RMI1: variants seen among roughly 807,000 people sequenced by gnomAD.
The protein encoded by RMI1 is RecQ mediated genome instability 1.
In RMI1, 36 loss-of-function variants were observed where a neutral mutation model predicts 46.7. That is an observed-to-expected ratio of 0.77 (90% CI 0.59 to 1.02). RMI1 has a LOEUF of 1.02. Ranked by LOEUF, RMI1 falls within the 50% of genes least tolerant of loss-of-function variation. RMI1 has a pLI of 0.00. For synonymous variants in RMI1, 250 were observed against 252.9 expected, an observed-to-expected ratio of 0.99 and a Z score of 0.11; for missense variants, 676 against 713.7, an observed-to-expected ratio of 0.95 and a Z score of 0.60.
At chr9:83,983,866 C>CT (rs1177359549) in intron 1 of RMI1, among the ~76,000 whole-genome samples, 1 of 151,986 alleles carries the variant, frequency 6.6e-6, no homozygotes, top group Non-Finnish European at 1.5e-5. Context: ...TATATGTGTT[C>CT]TTTTTCCCAA....
intron 2 of RMI1, 70 bp from the exon 3 acceptor site, chr9:84,000,881 T>C (rs1331884396): frequency 1.3e-6 from 1 of 782,338 alleles, no homozygotes; most frequent in Non-Finnish European, 2.0e-6. Flanking sequence ...TGTCTGTGCA[T>C]TGTAGAGAAT....
At chr9:83,989,351 A>G (rs1432503818) in intron 1 of RMI1, among the ~76,000 whole-genome samples, 2 of 152,246 alleles carry the variant, frequency 1.3e-5, no homozygotes, top group Non-Finnish European at 2.9e-5. Flanking sequence ...ATATTAAGCT[A>G]AAAAGCTTCT....
At chr9:83,989,059 A>G (rs1307865168) in intron 1 of RMI1, among the ~76,000 whole-genome samples, 1 of 152,052 alleles carries the variant, frequency 6.6e-6, no homozygotes, top group African/African-American at 2.4e-5. Context: ...AGATCTCAGT[A>G]TGTTGTCCAG....
chr9:83,982,390 A>T (rs1957426440), intron 1 of RMI1, among the ~76,000 whole-genome samples: 1 of 152,126 alleles, frequency 6.6e-6, no homozygotes, highest in African/African-American at 2.4e-5. Context: ...CCGGCCGGGC[A>T]CGGTGGCTCA....
rs911485495 is a variant in RMI1, at chr9:83,987,555, G to T, written c.-126+6664G>T. ...TTTTTGGAGTATAGTTCTGAGTTTT[G>T]ATAAACAGATAACAGTCATGTAACC... On this transcript the variant is annotated intron_variant, in intron 1 of 2. Coordinates refer to ENST00000445877, the MANE Select transcript of RMI1 (RefSeq NM_001358291.2). Among the ~76,000 whole-genome samples, 8 of 152,078 alleles carry T rather than the reference G, an allele frequency of 5.3e-5. No individual in the cohort carries two copies. In the South Asian group the frequency reaches 1.7e-3, roughly 32 times the overall value.
intron 1 of RMI1, chr9:83,992,790 C>CT (rs1394977338): frequency 6.6e-6 from 1 of 152,102 alleles, no homozygotes. Flanking sequence ...GGTGATAGAG[C>CT]TTTTTTGTAG....
At chr9:83,995,445 G>C (rs1296244706) in intron 1 of RMI1, among the ~76,000 whole-genome samples, 2 of 94,142 alleles carry the variant, frequency 2.1e-5, no homozygotes, top group Non-Finnish European at 4.4e-5. Flanking sequence ...TTTTTTAATT[G>C]AGACAAGAGT....
intron 1 of RMI1, among the ~76,000 whole-genome samples, chr9:83,998,587 G>C (rs909931810): frequency 6.6e-6 from 1 of 152,180 alleles, no homozygotes; most frequent in African/African-American, 2.4e-5. Context: ...GCTAGCATTA[G>C]AATCAATAAT....
In RMI1 at chr9:84,002,680, A is replaced by C; in HGVS notation, c.1694A>C (p.Lys565Thr). The C allele has an allele frequency of 6.2e-7, 1 of 1,613,932 alleles. No homozygotes were observed. Among genetic ancestry groups the C allele is most frequent in the South Asian group, 1.1e-5 (1 of 91,078 alleles). ...TCAGTACCAGAAATGAAACAGTCAA[A>C]AAAGGATCCTCTTCAATACCAAAAG... ...GFSVPEMKQSKKDPLQYQKFL... is the reference protein window; with the variant it reads ...GFSVPEMKQSTKDPLQYQKFL... Residue 565 changes from lysine (K) to threonine (T), a missense_variant, in exon 3 of 3, where the codon AAA (lysine) becomes ACA (threonine). Physicochemically the swap from Lys to Thr is moderately conservative, Grantham distance 78. Coordinates refer to ENST00000445877, the MANE Select transcript of RMI1 (RefSeq NM_001358291.2).
chr9:83,993,449 G>A (rs1006899480), intron 1 of RMI1, among the ~76,000 whole-genome samples: 4 of 152,186 alleles, frequency 2.6e-5, no homozygotes, highest in East Asian at 1.9e-4. Flanking sequence ...TGCAACAAAC[G>A]TGGATTGTGA....
chr9:84,001,400 G>A lies in RMI1; in HGVS notation c.414G>A (p.Gln138=). 2 of 1,614,076 alleles carry A rather than the reference G, an allele frequency of 1.2e-6. No individual in the cohort carries two copies. Among genetic ancestry groups the A allele is most frequent in the Middle Eastern group, 1.6e-4 (1 of 6,062 alleles). ...AGCCTTCACGAATGTTGATGCTGCA[G>A]CTAACTGATGGAATCGTACAAATAC... ...EAKPSRMLML[Q]LTDGIVQIQG... is the part of the protein sequence containing the mutation. Residue 138 remains glutamine (Q), a synonymous_variant, in exon 3 of 3, where the codon CAG becomes CAA. Coordinates refer to ENST00000445877, the MANE Select transcript of RMI1 (RefSeq NM_001358291.2).
chr9:83,991,955 G>C (rs934733445), intron 1 of RMI1, among the ~76,000 whole-genome samples: 10 of 152,002 alleles, frequency 6.6e-5, no homozygotes, highest in African/African-American at 2.4e-4. Flanking sequence ...AAATTGTCTT[G>C]GCAATTCTAG....
chr9:84,001,611 A>G lies in RMI1; in HGVS notation c.625A>G (p.Arg209Gly). 1 of 1,614,054 alleles carries G rather than the reference A, an allele frequency of 6.2e-7. No homozygotes were observed. Among genetic ancestry groups the G allele is most frequent in the Non-Finnish European group, 8.5e-7 (1 of 1,179,986 alleles). Residue 209 changes from arginine to glycine, a missense_variant, in exon 3 of 3, where the codon AGA becomes GGA. By Grantham distance (125) the Arg-to-Gly change is moderately radical (BLOSUM62 -2). Transcript: ENST00000445877. ...ATATGCCCAAGAAAAAGTACTTGCA[A>G]GATTAATAGGGGAACCTGATCTTGT... The part of the protein sequence containing the change: ...EEYAQEKVLA[R>G]LIGEPDLVVS...
At chr9:83,987,323 G>A (rs1285249702) in intron 1 of RMI1, among the ~76,000 whole-genome samples, 6 of 152,106 alleles carry the variant, frequency 3.9e-5, no homozygotes, top group African/African-American at 1.4e-4. Flanking sequence ...AAAGTGCTAG[G>A]GTTACAGGCG....
At chr9:83,990,987 A>G (rs1279901375) in intron 1 of RMI1, among the ~76,000 whole-genome samples, 2 of 151,872 alleles carry the variant, frequency 1.3e-5, no homozygotes, top group Admixed American at 1.3e-4. Context: ...TTGTATTTTT[A>G]GTAGAGACGG....
At chr9:83,982,690 A>ACAAAAAC (rs201410773) in intron 1 of RMI1, among the ~76,000 whole-genome samples, 1 of 151,874 alleles carries the variant, frequency 6.6e-6, no homozygotes, top group African/African-American at 2.4e-5. Flanking sequence ...AAAAACAAAA[A>ACAAAAAC]AAAAAACCTC....
In RMI1 at chr9:84,001,346, A is replaced by C. The variant is rs1347635132; in HGVS notation, c.360A>C (p.Ala120=). ...NTTNDLVTAE[A]QVTPKPWEAK... ...CAAATGATCTAGTTACAGCTGAAGC[A>C]CAAGTAACCCCAAAACCTTGGGAAG... is the stretch of plus-strand genomic sequence containing the variant. The change falls in exon 3 of 3, where the codon GCA becomes GCC. Residue 120 remains alanine (A), a synonymous_variant. Transcript: ENST00000445877. 6.2e-7 allele frequency: 1 copy of C among 1,614,176 alleles called. No individual in the cohort carries two copies. The highest frequency in any genetic ancestry group is 1.7e-5 in the Admixed American group (1 of 60,022).
chr9:84,001,275 C>T lies in RMI1; in HGVS notation c.289C>T (p.Gln97Ter), dbSNP rs1352397111. Residue 97 changes from glutamine (Q) to a stop codon, truncating the protein, a stop_gained, in exon 3 of 3, where the codon CAG becomes TAG. Transcript: ENST00000445877. LOFTEE classifies it high-confidence loss of function. ...GATTAATTCCTTGGTTGATGTAAGT[C>T]AGCCTGCATACTCCCAGATACAGAA... ...LQINSLVDVS[Q>*]PAYSQIQKLR... 2.5e-6 allele frequency: 4 copies of T among 1,613,956 alleles called. No homozygotes were observed. The highest frequency in any genetic ancestry group is 2.2e-5 in the East Asian group (1 of 44,888).
chr9:84,002,952 A>C lies in RMI1; in HGVS notation c.*88A>C, dbSNP rs1039679730. ...AATTTTACTTATGATACTTTGTGTA[A>C]AAAGGAAAAATGAAATTTCATAGCT... On this transcript the variant is annotated 3_prime_UTR_variant, in exon 3 of 3. Transcript: ENST00000445877. The C allele has an allele frequency of 4.0e-5, 32 of 805,948 alleles. No individual in the cohort carries two copies. Among genetic ancestry groups the C allele is most frequent in the Middle Eastern group, 4.0e-4 (1 of 2,504 alleles). The allele number at this position is 805,948 out of a possible 1,614,324, so 49.9% of individuals were successfully genotyped here.
Sources: allele counts gnomAD v4.1 joint callset (sites outside exome capture counted in the v4.1 genomes callset), GRCh38; gene constraint gnomAD v4.1.1; transcripts MANE v1.5; gene names NCBI Gene and HGNC (gene_info 2026-07-23, HGNC 2026-07-21).